The following EDRF1 variants were observed in gnomAD, a reference collection of about 807,000 sequenced individuals.
The protein encoded by EDRF1 is erythroid differentiation regulatory factor 1.
A neutral mutation model predicts 148.7 loss-of-function variants in EDRF1; 69 were observed. The ratio of observed to expected loss-of-function variants is 0.46; its 90% CI spans 0.38 to 0.57. The LOEUF is 0.57. Ranked by LOEUF, EDRF1 falls within the 20% of genes least tolerant of loss-of-function variation. The pLI is 0.00. For missense variants in EDRF1, 1,118 were observed against 1,478.7 expected, an observed-to-expected ratio of 0.76 and a Z score of 4.00; for synonymous variants, 515 against 532.8, an observed-to-expected ratio of 0.97 and a Z score of 0.46.
chr10:125,727,787 A>G (rs949206898), intron 6 of EDRF1, among the ~76,000 whole-genome samples: 1 of 152,220 alleles, frequency 6.6e-6, no homozygotes. Flanking sequence ...TGTTGAGGCA[A>G]TGACATTAAA....
intron 1 of EDRF1, among the ~76,000 whole-genome samples, chr10:125,720,810 CAAAAA>C (rs34319808): frequency 4.6e-5 from 6 of 131,792 alleles, no homozygotes; most frequent in Admixed American, 7.4e-5. Flanking sequence ...GACTGCGTCT[CAAAAA>C]AAAAAAAAAA....
intron 6 of EDRF1, 28 bp from the exon 7 acceptor site, chr10:125,728,975 T>A: frequency 6.6e-7 from 1 of 1,513,510 alleles, no homozygotes; most frequent in Non-Finnish European, 8.9e-7. Flanking sequence ...GACAGCAGAA[T>A]CACTCCTTAT....
At chr10:125,735,193 TGG>T (rs1171645444) in intron 12 of EDRF1, among the ~76,000 whole-genome samples, 3 of 151,660 alleles carry the variant, frequency 2.0e-5, no homozygotes, top group East Asian at 1.9e-4. Flanking sequence ...TTTAATGTAA[TGG>T]TTTTTTTTTT....
At chr10:125,743,670 A>G (rs1849153676) in intron 18 of EDRF1, among the ~76,000 whole-genome samples, 1 of 152,228 alleles carries the variant, frequency 6.6e-6, no homozygotes, top group African/African-American at 2.4e-5. Flanking sequence ...GACTGGGGAA[A>G]TAAGACATTT....
intron 5 of EDRF1, 96 bp downstream of exon 5, chr10:125,725,538 C>T: frequency 6.4e-7 from 1 of 1,571,668 alleles, no homozygotes; most frequent in South Asian, 1.1e-5. Context: ...AGTTTTGCCC[C>T]TGTGATACTG....
In EDRF1 at chr10:125,742,371, T is replaced by A; in HGVS notation, c.2372-687T>A. Reference sequence around the variant, plus strand: ...GTGCTTCTGTAATGTCTCATGGGGTTGTTTTATTATGCTCTTAAATTGTTA... The same window carrying A: ...GTGCTTCTGTAATGTCTCATGGGGTAGTTTTATTATGCTCTTAAATTGTTA... On this transcript the variant is annotated intron_variant, in intron 17 of 24. Transcript: ENST00000356792. 5.0e-6 allele frequency: 6 copies of A among 1,195,752 alleles called. No individual in the cohort carries two copies. In the South Asian group the frequency reaches 7.8e-5, roughly 16 times the overall value. The allele number at this position is 1,195,752 out of a possible 1,614,324, so 74.1% of individuals were successfully genotyped here. A position where few individuals can be genotyped will look rare whatever the true frequency, so the allele number is the denominator to read the frequency against.
rs928113053 is a variant in EDRF1 at position 125,763,180 on chromosome 10, G to A, written c.3546-121G>A. Reference sequence around the variant, plus strand: ...GGCAGGTCTGAACCCGGCAGGAGAGGAATGCCTGCTGCTCTGTGAAGAGTG... The same window carrying A: ...GGCAGGTCTGAACCCGGCAGGAGAGAAATGCCTGCTGCTCTGTGAAGAGTG... On this transcript the variant is annotated intron_variant, in intron 24 of 24. Coordinates refer to ENST00000356792, the MANE Select transcript of EDRF1 (RefSeq NM_001202438.2). The surrounding 1 kb of genome is among the most constrained non-coding windows in gnomAD (Gnocchi z 4.3). 2.0e-6 allele frequency: 2 copies of A among 975,864 alleles called. No individual in the cohort carries two copies. The highest frequency in any genetic ancestry group is 3.2e-6 in the Non-Finnish European group (2 of 619,734). The allele number at this position is 975,864 out of a possible 1,614,324, so 60.5% of individuals were successfully genotyped here.
chr10:125,731,071 C>T (rs1848462688), intron 9 of EDRF1, among the ~76,000 whole-genome samples: 2 of 152,068 alleles, frequency 1.3e-5, no homozygotes, highest in South Asian at 4.1e-4. Context: ...CACTTGAGCC[C>T]AGGAGTTTGA....
intron 15 of EDRF1, 130 bp downstream of exon 15, chr10:125,738,575 T>A (rs1848852356): frequency 6.6e-6 from 7 of 1,056,252 alleles, no homozygotes; most frequent in Admixed American, 2.1e-5. Flanking sequence ...TGAACTGGAA[T>A]TAGGGGTAGT....
At chr10:125,757,246 G>T in intron 24 of EDRF1, 1 of 209,108 alleles carries the variant, frequency 4.8e-6, no homozygotes, top group Non-Finnish European at 9.9e-6. Flanking sequence ...TTTATTATGT[G>T]CCACTTTTTA....
At chr10:125,762,798 G>A (rs1850249511) in intron 24 of EDRF1, among the ~76,000 whole-genome samples, 1 of 152,198 alleles carries the variant, frequency 6.6e-6, no homozygotes, top group Non-Finnish European at 1.5e-5. Context: ...CTTTAGATGT[G>A]TGTTTATGAC....
In EDRF1 at chr10:125,764,099, G is replaced by T. The variant is rs1850310937; in HGVS notation, c.*627G>T. On this transcript the variant is annotated 3_prime_UTR_variant, in exon 25 of 25. Coordinates refer to ENST00000356792, the MANE Select transcript of EDRF1 (RefSeq NM_001202438.2). ...TTTCAAACTTGAAACTGTGAATAAGGTAAGAAAACTATTTTGAATAAATAA... is the reference window on the plus strand; with the variant it reads ...TTTCAAACTTGAAACTGTGAATAAGTTAAGAAAACTATTTTGAATAAATAA... 6.6e-6 allele frequency: 1 copy of T among 152,580 alleles called. No individual in the cohort carries two copies. The highest frequency in any genetic ancestry group is 1.5e-5 in the Non-Finnish European group (1 of 68,058). 9.5% of individuals were successfully genotyped at this position (152,580 alleles called of 1,614,324 possible). A position where few individuals can be genotyped will look rare whatever the true frequency, so the allele number is the denominator to read the frequency against.
intron 21 of EDRF1, 77 bp from the exon 22 acceptor site, chr10:125,749,335 A>G: frequency 6.4e-7 from 1 of 1,562,464 alleles, no homozygotes; most frequent in Non-Finnish European, 8.8e-7. Context: ...AGTGGGGGAA[A>G]AATAACTAAG....
chr10:125,723,711 A>G, intron 3 of EDRF1, 100 bp from the exon 4 acceptor site: 1 of 1,243,664 alleles, frequency 8.0e-7, no homozygotes, highest in Admixed American at 1.9e-5. Flanking sequence ...TAAGGAAATA[A>G]GGTTTATTAT....
chr10:125,740,413 C>T (rs1848957237), intron 15 of EDRF1, 50 bp from the exon 16 acceptor site: 2 of 1,585,478 alleles, frequency 1.3e-6, no homozygotes, highest in African/African-American at 2.7e-5. Flanking sequence ...GTGCATGAGA[C>T]TTACAGTCAA....
chr10:125,747,249 C>A, intron 19 of EDRF1: 10 of 328,516 alleles, frequency 3.0e-5, no homozygotes, highest in East Asian at 2.4e-4. Context: ...ACAAAGGAAA[C>A]AAGTGCATCA....
intron 17 of EDRF1, 89 bp downstream of exon 17, chr10:125,741,290 T>C: frequency 8.6e-7 from 1 of 1,169,260 alleles, no homozygotes. Flanking sequence ...GGGGTAGAAA[T>C]ATTAGAGTTT....
intron 23 of EDRF1, 121 bp from the exon 24 acceptor site, chr10:125,753,573 G>T (rs1266445401): frequency 1.8e-6 from 2 of 1,110,130 alleles, no homozygotes; most frequent in Admixed American, 1.8e-5. Flanking sequence ...CTTTTTGTTT[G>T]TTTGTCTTGT....
chr10:125,736,027 C>T, intron 13 of EDRF1, 123 bp downstream of exon 13: 1 of 981,646 alleles, frequency 1.0e-6, no homozygotes, highest in South Asian at 1.6e-5. Flanking sequence ...ATCTAGTAAT[C>T]ATTAGTTTTC....
Sources: allele counts gnomAD v4.1 joint callset (sites outside exome capture counted in the v4.1 genomes callset), GRCh38; gene constraint gnomAD v4.1.1; non-coding constraint Gnocchi (gnomAD v3.1); transcripts MANE v1.5; gene names NCBI Gene and HGNC (gene_info 2026-07-23, HGNC 2026-07-21).